TJP1: variants seen among roughly 807,000 people sequenced by gnomAD.
The protein encoded by TJP1 is tight junction protein ZO-1.
In TJP1, 43 loss-of-function variants were observed where a neutral mutation model predicts 194.2. That is an observed-to-expected ratio of 0.22 (90% CI 0.17 to 0.29). TJP1 has a LOEUF of 0.29. TJP1 is among the 10% of genes least tolerant of loss of function. The probability of loss-of-function intolerance (pLI) is 1.00; values close to 1 mark genes in which losing one functional copy is unlikely to be tolerated. For missense variants in TJP1, 1,971 were observed against 2,185.7 expected, an observed-to-expected ratio of 0.90 and a Z score of 1.96; for synonymous variants, 801 against 779.0, an observed-to-expected ratio of 1.03 and a Z score of -0.47.
At position 29,804,029 on chromosome 15, in the gene TJP1, TA is replaced by T. The variant is rs1158327795; in HGVS notation, c.28-3328del. 2.6e-3 allele frequency among the ~76,000 whole-genome samples: 374 copies of T among 142,300 alleles called. 1 individual carries two copies. Among genetic ancestry groups the T allele is most frequent in the African/African-American group, 7.8e-3 (307 of 39,150 alleles). The allele number at this position is 142,300 out of a possible 152,430, so 93.4% of individuals were successfully genotyped here. On this transcript the variant is annotated intron_variant, in intron 1 of 27. Coordinates refer to ENST00000614355, the MANE Select transcript of TJP1 (RefSeq NM_001330239.4). ...ACTATGTTTTACCACTCCTTATCTT[TA>T]AAAAAAAAAAACAAAAAACAGAAAA...
At chr15:29,731,116 A>G (rs1442421528) in intron 15 of TJP1, 4 of 639,094 alleles carry the variant, frequency 6.3e-6, no homozygotes, top group Non-Finnish European at 1.1e-5. Context: ...TTGTTCGCAC[A>G]CAGAACACTT....
intron 2 of TJP1, among the ~76,000 whole-genome samples, chr15:29,908,734 C>T (rs1367996226): frequency 6.6e-6 from 1 of 152,118 alleles, no homozygotes; most frequent in Non-Finnish European, 1.5e-5. Context: ...TAAAAAGAGG[C>T]TCGGCCGGGC....
chr15:29,950,205 T>C (rs1309079456), intron 2 of TJP1, among the ~76,000 whole-genome samples: 44 of 35,664 alleles, frequency 1.2e-3, no homozygotes, highest in South Asian at 2.3e-3. Flanking sequence ...ACCACTTCCA[T>C]CTCCACCTTT....
In TJP1 at chr15:29,705,511, AAAAT is replaced by A. The variant is rs775301629; in HGVS notation, c.5068+13_5068+16del. The stretch of plus-strand genomic sequence containing the variant: ...TCTTAAGTTATCAAAACTAAGGAGA[AAAAT>A]AAACACATTTACCTTTCTCTTTATC... On this transcript the variant is annotated intron_variant, in intron 26 of 27. Coordinates refer to ENST00000614355, the MANE Select transcript of TJP1 (RefSeq NM_001330239.4). 1.2e-6 allele frequency: 2 copies of A among 1,613,536 alleles called. No homozygotes were observed. The highest frequency in any genetic ancestry group is 1.7e-6 in the Non-Finnish European group (2 of 1,179,790).
intron 2 of TJP1, among the ~76,000 whole-genome samples, chr15:29,875,169 C>A (rs1027232826): frequency 6.6e-6 from 1 of 152,186 alleles, no homozygotes; most frequent in Non-Finnish European, 1.5e-5. Flanking sequence ...CCAAGTCTGG[C>A]AACTCACTGG....
intron 1 of TJP1, among the ~76,000 whole-genome samples, chr15:29,957,887 T>TG (rs1302398819): frequency 6.6e-6 from 1 of 152,202 alleles, no homozygotes; most frequent in Non-Finnish European, 1.5e-5. Flanking sequence ...AATACCCATT[T>TG]GGGGGAGTCC....
chr15:29,895,049 G>T (rs2053434164), intron 2 of TJP1, among the ~76,000 whole-genome samples: 1 of 152,190 alleles, frequency 6.6e-6, no homozygotes, highest in Admixed American at 6.5e-5. Context: ...CAAGGCCCTT[G>T]CATTCTGGCC....
intron 2 of TJP1, among the ~76,000 whole-genome samples, chr15:29,880,867 A>G (rs1238358450): frequency 2.0e-5 from 3 of 152,264 alleles, no homozygotes; most frequent in East Asian, 1.9e-4. Flanking sequence ...GGTTGTTTCT[A>G]TATCTTGGCT....
chr15:29,736,171 T>C (rs779461688), intron 11 of TJP1, among the ~76,000 whole-genome samples: 6 of 152,196 alleles, frequency 3.9e-5, no homozygotes, highest in African/African-American at 9.6e-5. Flanking sequence ...AACTCAGCAA[T>C]GGCTTATTGA....
intron 2 of TJP1, among the ~76,000 whole-genome samples, chr15:29,949,337 A>ACCT (rs1408483332): frequency 2.4e-5 from 3 of 123,246 alleles, no homozygotes; most frequent in Admixed American, 8.2e-5. Context: ...TACCTCCACC[A>ACCT]CCTCCACCAC....
At chr15:29,917,177 T>A (rs994930188) in intron 2 of TJP1, among the ~76,000 whole-genome samples, 1 of 152,210 alleles carries the variant, frequency 6.6e-6, no homozygotes, top group South Asian at 2.1e-4. Flanking sequence ...TATAGCTCAC[T>A]GGTTTTAGAT....
intron 2 of TJP1, among the ~76,000 whole-genome samples, chr15:29,878,156 T>A (rs2052779604): frequency 6.6e-6 from 1 of 152,080 alleles, no homozygotes; most frequent in African/African-American, 2.4e-5. Flanking sequence ...ATCACGCCAG[T>A]CTCCTGCCTC....
rs1387006202 is a variant in TJP1, at chr15:29,822,409, G to A, written c.-381C>T. The stretch of plus-strand genomic sequence containing the variant: ...TCGCCACGTAACTTCCCGGGAACCG[G>A]CGGCCGCCAAGGAACGCGGCGTCCG... On this transcript the variant is annotated 5_prime_UTR_variant, in exon 1 of 28. Coordinates refer to ENST00000614355, the MANE Select transcript of TJP1 (RefSeq NM_001330239.4). The A allele has an allele frequency of 3.0e-6, 3 of 995,238 alleles. No individual in the cohort carries two copies. The highest frequency in any genetic ancestry group is 3.5e-5 in the African/African-American group (2 of 57,624). 61.7% of individuals were successfully genotyped at this position (995,238 alleles called of 1,614,324 possible).
At chr15:29,741,136 AAAGTTCCTT>A (rs2151335469) in intron 10 of TJP1, 186 bp downstream of exon 10, 1 of 456,022 alleles carries the variant, frequency 2.2e-6, no homozygotes, top group East Asian at 4.0e-5. Flanking sequence ...AAGCATCCAA[AAAGTTCCTT>A]TGTTGTCTAA....
At chr15:29,931,466 A>C (rs1286557221) in intron 2 of TJP1, among the ~76,000 whole-genome samples, 1 of 152,168 alleles carries the variant, frequency 6.6e-6, no homozygotes. Context: ...AGAGAGATGT[A>C]CTCTATTCAC....
intron 2 of TJP1, among the ~76,000 whole-genome samples, chr15:29,871,345 C>T (rs1021854702): frequency 2.0e-5 from 3 of 152,202 alleles, no homozygotes; most frequent in East Asian, 1.9e-4. Context: ...TTGGTTTTTC[C>T]GGCTGTGGTA....
intron 2 of TJP1, among the ~76,000 whole-genome samples, chr15:29,934,404 C>G (rs2054818812): frequency 6.6e-6 from 1 of 152,150 alleles, no homozygotes; most frequent in South Asian, 2.1e-4. Context: ...TGTGATTCAA[C>G]AAGGAATGTA....
intron 1 of TJP1, 82 bp from the exon 2 acceptor site, chr15:29,800,784 A>G: frequency 7.4e-7 from 1 of 1,360,146 alleles, no homozygotes; most frequent in East Asian, 2.3e-5. Flanking sequence ...CCAACAATTC[A>G]GCACACTGAA....
At chr15:29,760,586 A>T (rs2045939406) in intron 8 of TJP1, among the ~76,000 whole-genome samples, 1 of 152,190 alleles carries the variant, frequency 6.6e-6, no homozygotes, top group Non-Finnish European at 1.5e-5. Context: ...CATGTCGGCC[A>T]GGCTGGTCTT....
Sources: allele counts gnomAD v4.1 joint callset (sites outside exome capture counted in the v4.1 genomes callset), GRCh38; gene constraint gnomAD v4.1.1; transcripts MANE v1.5; gene names NCBI Gene and HGNC (gene_info 2026-07-23, HGNC 2026-07-21).